Variants in JPT1 observed in about 807,000 individuals in gnomAD.
The protein encoded by JPT1 is Jupiter microtubule associated homolog 1.
JPT1 carries 5 observed loss-of-function variants against 17.0 expected under a neutral mutation model. The ratio of observed to expected loss-of-function variants is 0.29; its 90% CI spans 0.15 to 0.62. JPT1 has a LOEUF of 0.62. Among genes scored for constraint, JPT1 ranks in the 20% least tolerant of loss-of-function variants. JPT1 has a pLI of 0.85. For synonymous variants in JPT1, 71 were observed against 73.6 expected (o/e 0.96, Z 0.18); for missense variants, 158 against 188.1 (o/e 0.84, Z 0.94).
At position 75,136,175 on chromosome 17, in the gene JPT1, C is replaced by A; in HGVS notation, c.392G>T (p.Ser131Ile). 6.2e-7 allele frequency: 1 copy of A among 1,614,144 alleles called. No homozygotes were observed. The highest frequency in any genetic ancestry group is 8.5e-7 in the Non-Finnish European group (1 of 1,180,010). The part of the protein sequence containing the change: ...EKPVPAAPVP[S>I]PVAPAPVPSR... Reference sequence around the variant, plus strand: ...TGGCACTGGGGCCGGGGCCACCGGGCTGGGCACAGGCGCAGCAGGCACGGG... The same window carrying A: ...TGGCACTGGGGCCGGGGCCACCGGGATGGGCACAGGCGCAGCAGGCACGGG... Residue 131 changes from serine (S) to isoleucine (I), a missense_variant, in exon 5 of 5, where the codon AGC becomes ATC. Transcript: ENST00000409753.
intron 4 of JPT1, among the ~76,000 whole-genome samples, chr17:75,141,789 C>T (rs765840949): frequency 3.3e-5 from 5 of 151,888 alleles, no homozygotes; most frequent in African/African-American, 7.3e-5. Flanking sequence ...ATTAGTTGAG[C>T]GAGGCTGGGC....
intron 1 of JPT1, among the ~76,000 whole-genome samples, chr17:75,150,024 G>C (rs2074517656): frequency 1.3e-5 from 2 of 152,178 alleles, no homozygotes; most frequent in African/African-American, 4.8e-5. Flanking sequence ...TGAGGGCAAA[G>C]TCAGTATGAG....
chr17:75,142,818 T>TAC (rs2145173575), intron 4 of JPT1: 1 of 455,902 alleles, frequency 2.2e-6, no homozygotes, highest in South Asian at 1.5e-5. Flanking sequence ...AATTAATACA[T>TAC]ACATCTTCGG....
rs1555650493 is a variant in JPT1 at position 75,137,528 on chromosome 17, G to GTTT, written c.317-1281_317-1279dup. ...CGCACCACCACAACTGGCTATTTTT[G>GTTT]TTTTTTTTTTTTTTTTATTTTTAAA... is the stretch of plus-strand genomic sequence containing the variant. On this transcript the variant is annotated intron_variant, in intron 4 of 4. Transcript: ENST00000409753. Among the ~76,000 whole-genome samples the GTTT allele has an allele frequency of 5.4e-4, 72 of 133,236 alleles. 1 individual carries two copies. Among genetic ancestry groups the GTTT allele is most frequent in the African/African-American group, 2.2e-3 (65 of 29,248 alleles). The allele number at this position is 133,236 out of a possible 152,430, so 87.4% of individuals were successfully genotyped here. A position where few individuals can be genotyped will look rare whatever the true frequency, so the allele number is the denominator to read the frequency against.
In JPT1 at chr17:75,150,847, C is replaced by CT. The variant is rs59267123; in HGVS notation, c.57-2177dup. Among the ~76,000 whole-genome samples the CT allele has an allele frequency of 4.1e-3, 270 of 65,736 alleles. 2 individuals are homozygous for CT. Among genetic ancestry groups the CT allele is most frequent in the Middle Eastern group, 0.022 (2 of 90 alleles). 43.1% of individuals were successfully genotyped at this position (65,736 alleles called of 152,430 possible). On this transcript the variant is annotated intron_variant, in intron 1 of 4. Coordinates refer to ENST00000409753, the MANE Select transcript of JPT1 (RefSeq NM_016185.4). ...GTTTGAATAAGCAACATTTTTCTTT[C>CT]TTTTTTTTTTTTTTTTTTTTTTTTG...
At chr17:75,151,516 C>T (rs543382957) in intron 1 of JPT1, among the ~76,000 whole-genome samples, 14 of 152,116 alleles carry the variant, frequency 9.2e-5, no homozygotes, top group South Asian at 2.1e-4. Flanking sequence ...ATTAGCTGGG[C>T]GTGGTGGCAC....
chr17:75,142,741 GAATC>G (rs1314574061), intron 4 of JPT1: 1 of 455,384 alleles, frequency 2.2e-6, no homozygotes, highest in African/African-American at 2.0e-5. Flanking sequence ...GCAAGAAGTG[GAATC>G]AAAAAACCTA....
At chr17:75,149,167 A>G (rs1015186791) in intron 1 of JPT1, 1 of 547,736 alleles carries the variant, frequency 1.8e-6, no homozygotes, top group Non-Finnish European at 3.2e-6. Flanking sequence ...CCTGGGCAAC[A>G]TGGCAAGACC....
chr17:75,145,642 G>C (rs563757242), intron 4 of JPT1: 5 of 152,296 alleles, frequency 3.3e-5, no homozygotes, highest in Non-Finnish European at 5.9e-5. Flanking sequence ...AGCTGAGCTT[G>C]AAATGGTTAT....
Position 75,147,577 on chromosome 17 carries a change from G to A in JPT1, c.276C>T (p.Ser92=), listed in dbSNP as rs199977857. The change falls in exon 3 of 5, where the codon TCC becomes TCT. Residue 92 remains serine (S), a synonymous_variant. Coordinates refer to ENST00000409753, the MANE Select transcript of JPT1 (RefSeq NM_016185.4). ...LQRRNSSEAS[S]GDFLDLKGEG... Reference sequence around the variant, plus strand: ...TGACCTTCAGATCTAAGAAGTCTCCGGAGCTTGCTTCAGAGGAGTTCCTTC... The same window carrying A: ...TGACCTTCAGATCTAAGAAGTCTCCAGAGCTTGCTTCAGAGGAGTTCCTTC... 148 of 1,613,578 alleles carry A rather than the reference G, an allele frequency of 9.2e-5. No individual in the cohort carries two copies. The highest frequency in any genetic ancestry group is 5.3e-4 in the Admixed American group (32 of 59,976).
At chr17:75,148,738 G>T in intron 1 of JPT1, 67 bp from the exon 2 acceptor site, 1 of 1,571,466 alleles carries the variant, frequency 6.4e-7, no homozygotes. Flanking sequence ...AATCTTTTCA[G>T]ACAACTTTCA....
chr17:75,139,488 C>A (rs897005973), intron 4 of JPT1, among the ~76,000 whole-genome samples: 1 of 151,904 alleles, frequency 6.6e-6, no homozygotes, highest in Admixed American at 6.6e-5. Context: ...TAAAAAAGCA[C>A]CTATGGAGAC....
At chr17:75,152,662 ATCAAC>A (rs2074572748) in intron 1 of JPT1, among the ~76,000 whole-genome samples, 1 of 152,220 alleles carries the variant, frequency 6.6e-6, no homozygotes, top group African/African-American at 2.4e-5. Context: ...AAACACTAAT[ATCAAC>A]TCAACCCCAA....
At chr17:75,144,799 C>CTGAT (rs949837996) in intron 4 of JPT1, among the ~76,000 whole-genome samples, 1 of 152,156 alleles carries the variant, frequency 6.6e-6, no homozygotes, top group African/African-American at 2.4e-5. Context: ...CTGGTGTCCA[C>CTGAT]TGATTGGCGT....
intron 4 of JPT1, among the ~76,000 whole-genome samples, chr17:75,139,701 A>C (rs985441309): frequency 9.2e-5 from 14 of 151,990 alleles, no homozygotes; most frequent in African/African-American, 3.4e-4. Flanking sequence ...GCCTGTATTC[A>C]CAGATACTCG....
chr17:75,149,862 TACACACACAC>T (rs58993126), intron 1 of JPT1, among the ~76,000 whole-genome samples: 2 of 147,490 alleles, frequency 1.4e-5, no homozygotes, highest in Admixed American at 6.8e-5. Flanking sequence ...CTTACACACT[TACACACACAC>T]ACACACACAC....
At chr17:75,150,614 C>T (rs1197336811) in intron 1 of JPT1, among the ~76,000 whole-genome samples, 1 of 152,130 alleles carries the variant, frequency 6.6e-6, no homozygotes. Flanking sequence ...TCTTGAACTC[C>T]TGACCTCAGG....
chr17:75,152,065 C>CTG (rs2074563332), intron 1 of JPT1, among the ~76,000 whole-genome samples: 1 of 152,148 alleles, frequency 6.6e-6, no homozygotes, highest in African/African-American at 2.4e-5. Flanking sequence ...TTAAAGGTCT[C>CTG]TGTTCCTCCT....
intron 4 of JPT1, among the ~76,000 whole-genome samples, chr17:75,137,844 C>T (rs1461061943): frequency 4.6e-5 from 7 of 151,412 alleles, no homozygotes; most frequent in African/African-American, 7.3e-5. Flanking sequence ...GACGGGGTTT[C>T]GCCATGTTGG....
Sources: allele counts gnomAD v4.1 joint callset (sites outside exome capture counted in the v4.1 genomes callset), GRCh38; gene constraint gnomAD v4.1.1; transcripts MANE v1.5; gene names NCBI Gene and HGNC (gene_info 2026-07-23, HGNC 2026-07-21).